The following PKN2 variants were observed in gnomAD, a reference collection of about 807,000 sequenced individuals.
PKN2 encodes protein kinase N2.
PKN2 carries 38 observed loss-of-function variants against 119.1 expected under a neutral mutation model. That is an observed-to-expected ratio of 0.32 (90% confidence interval 0.25 to 0.42). The LOEUF (loss-of-function observed/expected upper bound fraction) is 0.42, where lower values mean the gene tolerates loss of function less well. Among genes scored for constraint, PKN2 ranks in the 10% least tolerant of loss-of-function variants. The pLI is 1.00. For synonymous variants in PKN2, 390 were observed against 384.9 expected (o/e 1.01, Z -0.15); for missense variants, 850 against 1,165.1 (o/e 0.73, Z 3.94).
At chr1:88,740,356 A>C (rs936950045) in intron 1 of PKN2, among the ~76,000 whole-genome samples, 1 of 152,190 alleles carries the variant, frequency 6.6e-6, no homozygotes, top group Non-Finnish European at 1.5e-5. Context: ...ACAGAAGATA[A>C]AATGATTCAC....
At chr1:88,684,863 CCA>C (rs1666013820) in intron 1 of PKN2, 2 of 465,726 alleles carry the variant, frequency 4.3e-6, no homozygotes, top group Non-Finnish European at 7.6e-6. Context: ...ATTCTGCCTA[CCA>C]GAGGGGACCC....
chr1:88,789,677 A>G (rs973431847), intron 8 of PKN2, among the ~76,000 whole-genome samples: 3 of 151,064 alleles, frequency 2.0e-5, no homozygotes, highest in Non-Finnish European at 2.9e-5. Flanking sequence ...TAATAATAAT[A>G]ATAATAATAA....
chr1:88,797,652 AGAG>A (rs1489907173), intron 8 of PKN2, among the ~76,000 whole-genome samples: 5 of 147,210 alleles, frequency 3.4e-5, no homozygotes, highest in Admixed American at 6.8e-5. Context: ...AAAAAAAAAA[AGAG>A]AGAGAATGTC....
intron 18 of PKN2, among the ~76,000 whole-genome samples, 178 bp downstream of exon 18, chr1:88,824,564 GT>G (rs1672422905): frequency 6.6e-6 from 1 of 152,064 alleles, no homozygotes; most frequent in Non-Finnish European, 1.5e-5. Context: ...TTAAGAATTT[GT>G]TCTCTGAATA....
Position 88,804,881 on chromosome 1 carries a change from A to G in PKN2, c.1461A>G (p.Pro487=). The change falls in exon 10 of 22, where the codon CCA becomes CCG. Residue 487 remains proline (P), a synonymous_variant. Transcript: ENST00000370521. ...TFFNPVIERR[P]KLQRQKKIFS... ...TTAATCCAGTTATTGAAAGAAGACC[A>G]AAACTTCAAAGACAAAAGAAAATTT... The G allele has an allele frequency of 1.3e-6, 2 of 1,578,986 alleles. No individual in the cohort carries two copies. The highest frequency in any genetic ancestry group is 2.3e-5 in the South Asian group (2 of 87,732).
intron 1 of PKN2, among the ~76,000 whole-genome samples, chr1:88,735,709 A>G (rs1668321889): frequency 6.8e-6 from 1 of 146,904 alleles, no homozygotes; most frequent in South Asian, 2.1e-4. Flanking sequence ...ATTGCTAGAC[A>G]GATTGGGACT....
At chr1:88,688,804 G>A (rs750306911) in intron 1 of PKN2, among the ~76,000 whole-genome samples, 3 of 152,140 alleles carry the variant, frequency 2.0e-5, no homozygotes, top group Admixed American at 1.3e-4. Context: ...TAGTAGGTGC[G>A]CAATACATTG....
intron 15 of PKN2, among the ~76,000 whole-genome samples, chr1:88,810,011 AAC>A (rs1671715640): frequency 6.6e-6 from 1 of 152,220 alleles, no homozygotes. Flanking sequence ...TGAGAAATAA[AAC>A]ACACTTTTAG....
chr1:88,790,849 G>A (rs1670803505), intron 8 of PKN2, among the ~76,000 whole-genome samples: 1 of 151,736 alleles, frequency 6.6e-6, no homozygotes, highest in African/African-American at 2.4e-5. Context: ...CTGTCTTTTT[G>A]TTCTACTTTC....
At chr1:88,687,507 G>T (rs1452343349) in intron 1 of PKN2, among the ~76,000 whole-genome samples, 2 of 152,128 alleles carry the variant, frequency 1.3e-5, no homozygotes, top group Non-Finnish European at 1.5e-5. Context: ...AATGAAAACT[G>T]TAAAGAATCT....
chr1:88,792,613 A>G (rs2100845069), intron 8 of PKN2, among the ~76,000 whole-genome samples: 1 of 152,286 alleles, frequency 6.6e-6, no homozygotes, highest in African/African-American at 2.4e-5. Context: ...TGTGGACCAG[A>G]AGCCTTATTG....
chr1:88,805,439 A>T (rs1671497509), intron 10 of PKN2, 58 bp from the exon 11 acceptor site: 2 of 1,360,254 alleles, frequency 1.5e-6, no homozygotes, highest in Non-Finnish European at 2.0e-6. Context: ...TTAAATTATG[A>T]CTTTTGGTTA....
At chr1:88,778,784 G>A (rs1251204637) in intron 6 of PKN2, among the ~76,000 whole-genome samples, 3 of 151,464 alleles carry the variant, frequency 2.0e-5, no homozygotes, top group Non-Finnish European at 2.9e-5. Context: ...CGTGATCTCC[G>A]CTCACTGCAA....
intron 16 of PKN2, among the ~76,000 whole-genome samples, chr1:88,820,142 T>G (rs1672186214): frequency 7.4e-6 from 1 of 134,432 alleles, no homozygotes; most frequent in African/African-American, 3.0e-5. Flanking sequence ...AAAAGTATAA[T>G]TTAAAAGTAA....
At position 88,771,820 on chromosome 1, in the gene PKN2, A is replaced by C; in HGVS notation, c.926A>C (p.Gln309Pro). Residue 309 changes from glutamine to proline, a missense_variant, in exon 6 of 22, where the codon CAA (glutamine) becomes CCA (proline). By Grantham distance (76) the Gln-to-Pro change is moderately conservative. Around this residue, in one of 9 missense-constraint regions of PKN2, gnomAD observed 350 missense variants for 511.1 expected, o/e 0.68. Transcript: ENST00000370521. ...VAASPTLSPR[Q>P]SMISTQNQYS... ...GCATCACCAACACTAAGTCCACGTCAAAGTATGATATCTACGCAAAATCAA... is the reference window on the plus strand; with the variant it reads ...GCATCACCAACACTAAGTCCACGTCCAAGTATGATATCTACGCAAAATCAA... 2 of 1,614,048 alleles carry C rather than the reference A, an allele frequency of 1.2e-6. No homozygotes were observed. Among genetic ancestry groups the C allele is most frequent in the Non-Finnish European group, 1.7e-6 (2 of 1,179,950 alleles).
intron 17 of PKN2, among the ~76,000 whole-genome samples, chr1:88,822,589 T>G (rs1672338066): frequency 6.6e-6 from 1 of 151,598 alleles, no homozygotes; most frequent in Non-Finnish European, 1.5e-5. Context: ...CTTTTTTTTT[T>G]TTTTTTTGAG....
intron 1 of PKN2, among the ~76,000 whole-genome samples, chr1:88,730,446 TC>T (rs1668103753): frequency 6.6e-6 from 1 of 152,226 alleles, no homozygotes; most frequent in Non-Finnish European, 1.5e-5. Context: ...TCCTGTTTGT[TC>T]CTCGTTACAA....
At chr1:88,706,992 T>C (rs1439050059) in intron 1 of PKN2, among the ~76,000 whole-genome samples, 4 of 152,110 alleles carry the variant, frequency 2.6e-5, no homozygotes, top group African/African-American at 4.8e-5. Context: ...ACCATTGTTT[T>C]ATATATCTTG....
chr1:88,754,828 C>A (rs1380007950), intron 2 of PKN2, among the ~76,000 whole-genome samples: 1 of 152,082 alleles, frequency 6.6e-6, no homozygotes, highest in Non-Finnish European at 1.5e-5. Context: ...CCCAGACATG[C>A]CTAAAATCTC....
Sources: allele counts gnomAD v4.1 joint callset (sites outside exome capture counted in the v4.1 genomes callset), GRCh38; gene constraint gnomAD v4.1.1; regional missense constraint gnomAD v4.1.1; transcripts MANE v1.5; gene names NCBI Gene and HGNC (gene_info 2026-07-23, HGNC 2026-07-21).